Variants in ZSCAN18 observed in about 807,000 individuals in gnomAD.
ZSCAN18 encodes zinc finger and SCAN domain-containing protein 18.
In ZSCAN18, 16 loss-of-function variants were observed where a neutral mutation model predicts 31.1. That is an observed-to-expected ratio of 0.51 (90% CI 0.35 to 0.78). The LOEUF is 0.78. ZSCAN18 is among the 30% of genes least tolerant of loss of function. ZSCAN18 has a pLI of 0.01. For synonymous variants in ZSCAN18, 375 were observed against 320.7 expected, an observed-to-expected ratio of 1.17 and a Z score of -1.81; for missense variants, 731 against 697.4, an observed-to-expected ratio of 1.05 and a Z score of -0.54.
chr19:58,107,766 A>C, intron 1 of ZSCAN18: 2 of 991,668 alleles, frequency 2.0e-6, no homozygotes, highest in Non-Finnish European at 2.4e-6. Context: ...CATAGGTCTC[A>C]GTCCAATGTG....
rs79575298 is a variant in ZSCAN18 at position 58,107,593 on chromosome 19, C to A, written c.130+10674G>T. ...AAAATAAAATATTGAGTGCACCATG[C>A]GGTAAACACATGTGCTGTCATCCAG... On this transcript the variant is annotated intron_variant, in intron 1 of 1. Coordinates refer to the ZSCAN18 transcript ENST00000595721. 912 of 870,558 alleles carry A rather than the reference C, an allele frequency of 1.0e-3. 6 individuals carry two copies. In the African/African-American group the frequency reaches 0.015, roughly 14 times the overall value. The allele number at this position is 870,558 out of a possible 1,614,324, so 53.9% of individuals were successfully genotyped here.
intron 1 of ZSCAN18, among the ~76,000 whole-genome samples, chr19:58,095,967 C>T (rs1381089123): frequency 6.6e-6 from 1 of 152,214 alleles, no homozygotes; most frequent in East Asian, 1.9e-4. Flanking sequence ...CTGATGCTCA[C>T]AGCCAGGAGG....
intron 1 of ZSCAN18, among the ~76,000 whole-genome samples, chr19:58,112,950 C>CAAAAAAAAAAAA (rs55721042): frequency 2.9e-5 from 2 of 69,482 alleles, no homozygotes; most frequent in South Asian, 6.9e-4. Flanking sequence ...GGCTCCGTTT[C>CAAAAAAAAAAAA]AAAAAAAAAA....
chr19:58,112,629 C>G (rs534568217), intron 1 of ZSCAN18, among the ~76,000 whole-genome samples: 1 of 129,532 alleles, frequency 7.7e-6, no homozygotes, highest in Non-Finnish European at 1.6e-5. Context: ...CCAGCCTGGG[C>G]GACAGAGCAA....
chr19:58,099,978 T>TTTTTTTGG (rs2074579751), upstream of ZSCAN18, among the ~76,000 whole-genome samples: 1 of 151,178 alleles, frequency 6.6e-6, no homozygotes, highest in South Asian at 2.1e-4. Context: ...TTTTTTTTTT[T>TTTTTTTGG]GAGACAAGGT....
chr19:58,104,447 C>A (rs896091396), intron 1 of ZSCAN18, among the ~76,000 whole-genome samples: 1 of 151,236 alleles, frequency 6.6e-6, no homozygotes, highest in Admixed American at 6.6e-5. Flanking sequence ...GCCTGTAATA[C>A]CAGCACTTTG....
chr19:58,117,703 C>T (rs1412369385), intron 1 of ZSCAN18, among the ~76,000 whole-genome samples: 2 of 143,600 alleles, frequency 1.4e-5, no homozygotes, highest in Non-Finnish European at 3.1e-5. Flanking sequence ...TGAGAAAAGG[C>T]CATCTGTGCC....
chr19:58,084,351 A>G lies in ZSCAN18; in HGVS notation c.*334T>C, dbSNP rs929562897. The G allele has an allele frequency of 4.0e-6, 1 of 251,646 alleles. No homozygotes were observed. Among genetic ancestry groups the G allele is most frequent in the Non-Finnish European group, 7.5e-6 (1 of 132,910 alleles). 15.6% of individuals were successfully genotyped at this position (251,646 alleles called of 1,614,324 possible). A position where few individuals can be genotyped will look rare whatever the true frequency, so the allele number is the denominator to read the frequency against. On this transcript the variant is annotated 3_prime_UTR_variant, in exon 7 of 7. Coordinates refer to ENST00000601144, the MANE Select transcript of ZSCAN18 (RefSeq NM_001145543.2). The surrounding 1 kb of genome is among the most constrained non-coding windows in gnomAD (Gnocchi z 4.5). ...GGTGACTTGAAGAAAGCACTGGCAG[A>G]TCACGCACTTTAAGGCAACTCTACA...
chr19:58,095,740 G>T (rs1356101180), intron 1 of ZSCAN18, among the ~76,000 whole-genome samples: 1 of 152,152 alleles, frequency 6.6e-6, no homozygotes, highest in Non-Finnish European at 1.5e-5. Flanking sequence ...AGCCCCTGGG[G>T]ACAGGAACGG....
chr19:58,092,769 T>TA, intron 1 of ZSCAN18: 3 of 929,336 alleles, frequency 3.2e-6, no homozygotes, highest in Non-Finnish European at 3.8e-6. Flanking sequence ...ACGATACCTC[T>TA]ACTTTTTTTT....
At chr19:58,089,844 T>C (rs2074374449) in intron 2 of ZSCAN18, 21 bp downstream of exon 2, 2 of 1,592,438 alleles carry the variant, frequency 1.3e-6, no homozygotes, top group Admixed American at 3.4e-5. Context: ...TGAGCCATGC[T>C]TCTCCTCTGT....
intron 1 of ZSCAN18, among the ~76,000 whole-genome samples, chr19:58,109,893 G>A (rs2074666351): frequency 6.6e-6 from 1 of 152,128 alleles, no homozygotes. Flanking sequence ...ATGAAGGATA[G>A]TGAATAAATA....
At chr19:58,109,076 C>T in intron 1 of ZSCAN18, 1 of 1,226,674 alleles carries the variant, frequency 8.2e-7, no homozygotes, top group Non-Finnish European at 1.0e-6. Context: ...ATGGTGACCA[C>T]AGCCCCTCAT....
At chr19:58,085,459 G>A (rs931751394) in intron 6 of ZSCAN18, 80 bp from the exon 7 acceptor site, 20 of 1,288,674 alleles carry the variant, frequency 1.6e-5, no homozygotes, top group African/African-American at 6.0e-5. Flanking sequence ...CTCAGCTGCC[G>A]GAACAGCGCA....
exon 1 of ZSCAN18, chr19:58,118,282 G>A (rs1568648513): frequency 1.3e-6 from 2 of 1,491,012 alleles, no homozygotes; most frequent in Admixed American, 4.3e-5. Context: ...CTAGGCCTTG[G>A]CTCCGCGACC....
upstream of ZSCAN18, among the ~76,000 whole-genome samples, chr19:58,100,250 C>CA (rs1047379959): frequency 1.4e-4 from 21 of 152,172 alleles, no homozygotes; most frequent in African/African-American, 4.8e-4. Flanking sequence ...CCACCATGCC[C>CA]AGTCTTTCCA....
At chr19:58,086,825 C>G in intron 5 of ZSCAN18, 81 bp downstream of exon 5, 1 of 1,070,596 alleles carries the variant, frequency 9.3e-7, no homozygotes, top group Non-Finnish European at 1.4e-6. Context: ...AGCCAAAGTC[C>G]CTGGGGTCAC....
rs773223507 is a variant in ZSCAN18, at chr19:58,086,951, G to C, written c.700C>G (p.Pro234Ala). Residue 234 changes from proline (P) to alanine (A), a missense_variant, in exon 5 of 7, where the codon CCT (proline) becomes GCT (alanine). By Grantham distance (27) the Pro-to-Ala change is conservative (BLOSUM62 -1). This residue lies in a region of ZSCAN18 where 597 missense variants were observed against 499.5 expected (regional missense o/e 1.20). Coordinates refer to ENST00000601144, the MANE Select transcript of ZSCAN18 (RefSeq NM_001145543.2). Reference protein sequence around the residue: ...QHLGEWGHLDPAEENLKSYRK... With the variant: ...QHLGEWGHLDAAEENLKSYRK... Reference sequence around the variant, plus strand: ...TAGCTCTTCAGGTTCTCCTCGGCAGGGTCCAGGTGGCCCCACTCCCCCAGG... The same window carrying C: ...TAGCTCTTCAGGTTCTCCTCGGCAGCGTCCAGGTGGCCCCACTCCCCCAGG... 1 of 1,613,810 alleles carries C rather than the reference G, an allele frequency of 6.2e-7. No homozygotes were observed. The highest frequency in any genetic ancestry group is 8.5e-7 in the Non-Finnish European group (1 of 1,179,996).
In ZSCAN18 at chr19:58,085,329, G is replaced by C; in HGVS notation, c.889C>G (p.Pro297Ala). 1.9e-6 allele frequency: 3 copies of C among 1,595,182 alleles called. No homozygotes were observed. Among genetic ancestry groups the C allele is most frequent in the Non-Finnish European group, 2.5e-6 (3 of 1,177,894 alleles). The change falls in exon 7 of 7, where the codon CCC (proline) becomes GCC (alanine). Residue 297 changes from proline (P) to alanine (A), a missense_variant. By Grantham distance (27) the Pro-to-Ala change is conservative (BLOSUM62 -1). This residue lies in a region of ZSCAN18 where 597 missense variants were observed against 499.5 expected (regional missense o/e 1.20). Coordinates refer to ENST00000601144, the MANE Select transcript of ZSCAN18 (RefSeq NM_001145543.2). Reference protein sequence around the residue: ...SAGCACEEAAPAGVLPELPTE... With the variant: ...SAGCACEEAAAAGVLPELPTE... ...GGCAGCTCAGGCAGCACCCCCGCGG[G>C]GGCGGCCTCCTCGCAGGCGCACCCA...
Sources: gnomAD v4.1 joint callset for allele counts (sites outside exome capture counted in the v4.1 genomes callset) on GRCh38, gnomAD v4.1.1 for gene constraint, gnomAD v4.1.1 regional missense constraint, Gnocchi (gnomAD v3.1) non-coding constraint, MANE v1.5 for transcripts, NCBI Gene and HGNC (gene_info 2026-07-23, HGNC 2026-07-21) for gene names.